The following LGI1 variants were observed in gnomAD, a reference collection of about 807,000 sequenced individuals.
The protein encoded by LGI1 is leucine-rich glioma-inactivated protein 1.
Under a neutral mutation model 57.7 loss-of-function variants are expected in LGI1, and 11 were observed. The observed-to-expected ratio is 0.19, with a 90% confidence interval of 0.12 to 0.32. The LOEUF (loss-of-function observed/expected upper bound fraction) is 0.32, where lower values mean the gene tolerates loss of function less well. LGI1 is among the 10% of genes least tolerant of loss of function. LGI1 has a pLI of 1.00. For missense variants in LGI1, 422 were observed against 661.9 expected, an observed-to-expected ratio of 0.64 and a Z score of 3.98; for synonymous variants, 222 against 241.9, an observed-to-expected ratio of 0.92 and a Z score of 0.76.
At chr10:93,771,535 G>A (rs985314911) in intron 2 of LGI1, 1 of 152,170 alleles carries the variant, frequency 6.6e-6, no homozygotes, top group Non-Finnish European at 1.5e-5. Flanking sequence ...GGTGTAGGAG[G>A]AAGGGAGGGA....
At chr10:93,792,938 TCA>T (rs1491288358) in intron 6 of LGI1, 26 bp downstream of exon 6, 32 of 1,606,250 alleles carry the variant, frequency 2.0e-5, no homozygotes, top group Non-Finnish European at 2.7e-5. Context: ...TCATTCCACC[TCA>T]AAAAATTAAA....
intron 2 of LGI1, chr10:93,769,084 T>C (rs1383246928): frequency 6.6e-6 from 1 of 152,240 alleles, no homozygotes; most frequent in Non-Finnish European, 1.5e-5. Flanking sequence ...GCACATGCAC[T>C]TATAATGTGT....
chr10:93,784,896 T>A (rs2059883129), intron 4 of LGI1, among the ~76,000 whole-genome samples: 1 of 152,190 alleles, frequency 6.6e-6, no homozygotes, highest in East Asian at 1.9e-4. Context: ...CATAACATGA[T>A]GTTCCAGAAT....
chr10:93,790,087 T>TTC lies in LGI1; in HGVS notation c.432-11_432-10insCT, dbSNP rs1294153017. On this transcript the variant is annotated splice_polypyrimidine_tract_variant and intron_variant, in intron 4 of 7. Transcript: ENST00000371418. ...ACTACAGTTTACATCACCTTTTTTT[T>TTC]TTTTTTTCCAGGAGCCTTGCAAACA... 2 of 1,597,514 alleles carry TTC rather than the reference T, an allele frequency of 1.3e-6. No homozygotes were observed. Among genetic ancestry groups the TTC allele is most frequent in the Non-Finnish European group, 8.5e-7 (1 of 1,177,346 alleles).
At chr10:93,795,379 C>A (rs528901456) in intron 7 of LGI1, among the ~76,000 whole-genome samples, 102 of 152,206 alleles carry the variant, frequency 6.7e-4, no homozygotes, top group African/African-American at 2.3e-3. Flanking sequence ...AAAGACGGTG[C>A]CTTCTCTGTG....
chr10:93,790,265 T>A, intron 5 of LGI1, 95 bp downstream of exon 5: 1 of 1,107,006 alleles, frequency 9.0e-7, no homozygotes, highest in Non-Finnish European at 1.3e-6. Flanking sequence ...AATTGGCTTT[T>A]AAATTAAAAT....
chr10:93,760,678 GA>G (rs2059613381), intron 2 of LGI1, among the ~76,000 whole-genome samples: 2 of 152,208 alleles, frequency 1.3e-5, no homozygotes, highest in African/African-American at 2.4e-5. Context: ...CAATGTTATA[GA>G]AATAGTTACC....
At chr10:93,776,556 G>A (rs1343326160) in intron 2 of LGI1, among the ~76,000 whole-genome samples, 1 of 152,172 alleles carries the variant, frequency 6.6e-6, no homozygotes, top group Non-Finnish European at 1.5e-5. Flanking sequence ...GGCTTCAGAA[G>A]TAAAAGTGAT....
chr10:93,790,714 C>G (rs1031449875), intron 5 of LGI1: 4 of 152,560 alleles, frequency 2.6e-5, no homozygotes, highest in African/African-American at 7.2e-5. Context: ...AGGGAATGAA[C>G]TTAATTATTT....
chr10:93,797,348 C>G lies in LGI1; in HGVS notation c.1219C>G (p.Arg407Gly), dbSNP rs759897282. Residue 407 changes from arginine (R) to glycine (G), a missense_variant, in exon 8 of 8, where the codon CGT (arginine) becomes GGT (glycine). Arg to Gly is a moderately radical substitution (Grantham distance 125). Around this residue, in one of 3 missense-constraint regions of LGI1, gnomAD observed 301 missense variants for 461.7 expected, o/e 0.65. Coordinates refer to ENST00000371418, the MANE Select transcript of LGI1 (RefSeq NM_005097.4). The surrounding 1 kb of genome is among the most constrained non-coding windows in gnomAD (Gnocchi z 6.5). ...PHLILSSSSQ[R>G]PVIYQWNKAT... ...TTTAATTCTGTCTAGTAGTTCCCAG[C>G]GTCCTGTAATTTATCAGTGGAACAA... is the stretch of plus-strand genomic sequence containing the variant. The G allele has an allele frequency of 6.2e-7, 1 of 1,614,140 alleles. No homozygotes were observed. Among genetic ancestry groups the G allele is most frequent in the African/African-American group, 1.3e-5 (1 of 75,032 alleles).
At chr10:93,792,402 C>T (rs1589772535) in intron 5 of LGI1, 3 of 248,674 alleles carry the variant, frequency 1.2e-5, no homozygotes, top group Admixed American at 9.9e-5. Flanking sequence ...ATGAATTATA[C>T]CTGCTTCTTT....
intron 2 of LGI1, among the ~76,000 whole-genome samples, chr10:93,773,569 C>T (rs2059761587): frequency 6.6e-6 from 1 of 152,156 alleles, no homozygotes; most frequent in Non-Finnish European, 1.5e-5. Flanking sequence ...AAGCTAGTAC[C>T]TGCCTGGAAT....
intron 4 of LGI1, among the ~76,000 whole-genome samples, chr10:93,779,221 T>G (rs1487627331): frequency 9.3e-5 from 14 of 151,158 alleles, no homozygotes; most frequent in Non-Finnish European, 2.1e-4. Context: ...TACATCCCAA[T>G]CCACATGGCC....
chr10:93,777,359 T>A lies in LGI1; in HGVS notation c.288-20T>A. The A allele has an allele frequency of 6.2e-7, 1 of 1,609,620 alleles. No individual in the cohort carries two copies. Among genetic ancestry groups the A allele is most frequent in the Non-Finnish European group, 8.5e-7 (1 of 1,175,890 alleles). ...AATCTGTCAGTTTCACCATTTTCAT[T>A]GTGTACTTTTTCTGGGCAGGTTATT... On this transcript the variant is annotated intron_variant, in intron 2 of 7. Coordinates refer to ENST00000371418, the MANE Select transcript of LGI1 (RefSeq NM_005097.4).
rs1360390842 is a variant in LGI1 at position 93,785,992 on chromosome 10, G to A, written c.432-4107G>A. On this transcript the variant is annotated intron_variant, in intron 4 of 7. Coordinates refer to ENST00000371418, the MANE Select transcript of LGI1 (RefSeq NM_005097.4). ...AGCCCGGTGCCCTCAGCAGCCCTCC[G>A]CTGCAGCAAATCTCCCTGAAGCCCT... 6.7e-5 allele frequency among the ~76,000 whole-genome samples: 3 copies of A among 44,782 alleles called. 1 individual carries two copies. The highest frequency in any genetic ancestry group is 3.3e-4 in the Non-Finnish European group (2 of 5,994). The allele number at this position is 44,782 out of a possible 152,430, so 29.4% of individuals were successfully genotyped here. A position where few individuals can be genotyped will look rare whatever the true frequency, so the allele number is the denominator to read the frequency against.
chr10:93,762,135 G>A (rs2059630500), intron 2 of LGI1, among the ~76,000 whole-genome samples: 1 of 152,022 alleles, frequency 6.6e-6, no homozygotes, highest in African/African-American at 2.4e-5. Context: ...TGATTTCCAG[G>A]GTAGTTTTAG....
chr10:93,768,698 T>A, intron 2 of LGI1: 1 of 152,358 alleles, frequency 6.6e-6, no homozygotes, highest in Middle Eastern at 3.4e-3. Context: ...TGTTTGCTAG[T>A]GTGCATGTCA....
intron 2 of LGI1, chr10:93,764,110 A>G (rs1274401536): frequency 1.3e-5 from 2 of 152,196 alleles, no homozygotes; most frequent in African/African-American, 4.8e-5. Context: ...AGCAGGTACA[A>G]TGTTGGGCTT....
chr10:93,793,648 A>G (rs1305367940), intron 7 of LGI1, among the ~76,000 whole-genome samples: 1 of 152,240 alleles, frequency 6.6e-6, no homozygotes, highest in Non-Finnish European at 1.5e-5. Flanking sequence ...TCTTCAAATA[A>G]AAGTATTGGA....
Sources: gnomAD v4.1 joint callset for allele counts (sites outside exome capture counted in the v4.1 genomes callset) on GRCh38, gnomAD v4.1.1 for gene constraint, gnomAD v4.1.1 regional missense constraint, Gnocchi (gnomAD v3.1) non-coding constraint, MANE v1.5 for transcripts, NCBI Gene and HGNC (gene_info 2026-07-23, HGNC 2026-07-21) for gene names.